The following SMCHD1 variants were observed in gnomAD, a reference collection of about 807,000 sequenced individuals.
SMCHD1 encodes structural maintenance of chromosomes flexible hinge domain-containing protein 1.
In SMCHD1, 78 loss-of-function variants were observed where a neutral mutation model predicts 254.7. The observed-to-expected ratio is 0.31, with a 90% CI of 0.26 to 0.37. The LOEUF (loss-of-function observed/expected upper bound fraction) is 0.37, where lower values mean the gene tolerates loss of function less well. Ranked by LOEUF, SMCHD1 falls within the 10% of genes least tolerant of loss-of-function variation. The pLI is 1.00. For synonymous variants in SMCHD1, 766 were observed against 794.9 expected, an observed-to-expected ratio of 0.96 and a Z score of 0.61; for missense variants, 1,840 against 2,408.1, an observed-to-expected ratio of 0.76 and a Z score of 4.94.
Position 2,697,137 on chromosome 18 carries a change from C to T in SMCHD1, c.1131+15C>T. 1 of 1,235,192 alleles carries T rather than the reference C, an allele frequency of 8.1e-7. No homozygotes were observed. The allele number at this position is 1,235,192 out of a possible 1,614,324, so 76.5% of individuals were successfully genotyped here. A position where few individuals can be genotyped will look rare whatever the true frequency, so the allele number is the denominator to read the frequency against. The stretch of plus-strand genomic sequence containing the variant: ...TTGATATTGAAGTAAGAGAAAAATC[C>T]ATCTTAAAATAATAAAAATTATGAG... On this transcript the variant is annotated intron_variant, in intron 9 of 47. Coordinates refer to ENST00000320876, the MANE Select transcript of SMCHD1 (RefSeq NM_015295.3).
intron 13 of SMCHD1, 115 bp downstream of exon 13, chr18:2,704,001 T>G (rs929104918): frequency 1.3e-6 from 1 of 755,446 alleles, no homozygotes; most frequent in African/African-American, 1.8e-5. Context: ...TTTTTTCCCA[T>G]TCTCACATTT....
At chr18:2,779,250 G>T (rs1053619809) in intron 44 of SMCHD1, among the ~76,000 whole-genome samples, 1 of 152,132 alleles carries the variant, frequency 6.6e-6, no homozygotes, top group Non-Finnish European at 1.5e-5. Flanking sequence ...AGTTGAACTG[G>T]GGTGGTGGCA....
chr18:2,700,957 T>A, intron 12 of SMCHD1, 39 bp downstream of exon 12: 1 of 1,415,520 alleles, frequency 7.1e-7, no homozygotes, highest in Non-Finnish European at 9.5e-7. Context: ...TATTTGCAAA[T>A]GTTTTATTTT....
At chr18:2,729,232 ATATT>A in intron 23 of SMCHD1, 39 bp from the exon 24 acceptor site, 1 of 1,358,332 alleles carries the variant, frequency 7.4e-7, no homozygotes, top group Non-Finnish European at 9.6e-7. Context: ...AGAATCAAAT[ATATT>A]TAATAGGGGT....
intron 29 of SMCHD1, among the ~76,000 whole-genome samples, chr18:2,746,806 G>T (rs1394597282): frequency 2.0e-5 from 3 of 152,150 alleles, no homozygotes; most frequent in African/African-American, 7.2e-5. Flanking sequence ...TGGCCCAGGG[G>T]ATTGGGCTTT....
In SMCHD1 at chr18:2,743,768, C is replaced by A; in HGVS notation, c.3641C>A (p.Thr1214Lys). The A allele has an allele frequency of 6.3e-7, 1 of 1,597,858 alleles. No homozygotes were observed. The highest frequency in any genetic ancestry group is 1.7e-5 in the Admixed American group (1 of 57,496). ...TGTACTTTTCCTCACTAGGAAAACA[C>A]ACAGAGTATAAGTGTAAGAGGCATC... ...SNLKTTFQEN[T>K]QSISVRGIKF... Residue 1214 changes from threonine to lysine, a missense_variant, in exon 29 of 48, where the codon ACA becomes AAA. Thr to Lys is a moderately conservative substitution (Grantham distance 78, BLOSUM62 -1). Transcript: ENST00000320876.
chr18:2,774,320 A>G lies in SMCHD1; in HGVS notation c.5176-1414A>G, dbSNP rs1391696603. On this transcript the variant is annotated intron_variant, in intron 41 of 47. Coordinates refer to ENST00000320876, the MANE Select transcript of SMCHD1 (RefSeq NM_015295.3). ...GAACATTGTTTTCATTTTCGTTTACATGTACTAGTTTTTTTGCATGTTCAT... is the reference window on the plus strand; with the variant it reads ...GAACATTGTTTTCATTTTCGTTTACGTGTACTAGTTTTTTTGCATGTTCAT... Among the ~76,000 whole-genome samples the G allele has an allele frequency of 2.6e-5, 4 of 152,094 alleles. No individual in the cohort carries two copies. In the East Asian group the frequency reaches 7.7e-4, roughly 29 times the overall value.
chr18:2,692,027 T>G (rs2074190876), intron 7 of SMCHD1: 1 of 152,298 alleles, frequency 6.6e-6, no homozygotes, highest in South Asian at 2.1e-4. Flanking sequence ...GCTTCATTTT[T>G]GGCATCCACA....
At position 2,688,410 on chromosome 18, in the gene SMCHD1, G is replaced by A. The variant is rs765125820; in HGVS notation, c.655G>A (p.Val219Ile). Reference sequence around the variant, plus strand: ...TTATTTTAGTGATCATTCAGGATATGTTCGTCCAGTACCAGTGCCACGCAG... The same window carrying A: ...TTATTTTAGTGATCATTCAGGATATATTCGTCCAGTACCAGTGCCACGCAG... ...GDFESDHSGY[V>I]RPVPVPRSLN... is the part of the protein sequence containing the mutation. The change falls in exon 6 of 48, where the codon GTT becomes ATT. Residue 219 changes from valine to isoleucine, a missense_variant. Val to Ile is a conservative substitution (Grantham distance 29). Coordinates refer to ENST00000320876, the MANE Select transcript of SMCHD1 (RefSeq NM_015295.3). 1 of 1,612,482 alleles carries A rather than the reference G, an allele frequency of 6.2e-7. No homozygotes were observed. The highest frequency in any genetic ancestry group is 8.5e-7 in the Non-Finnish European group (1 of 1,178,674).
intron 1 of SMCHD1, among the ~76,000 whole-genome samples, chr18:2,662,779 C>T (rs2073330317): frequency 6.7e-6 from 1 of 150,250 alleles, no homozygotes; most frequent in African/African-American, 2.5e-5. Context: ...TCTATAAGGT[C>T]ATTTTTGTCT....
In SMCHD1 at chr18:2,722,555, A is replaced by G; in HGVS notation, c.2495A>G (p.Asp832Gly). The G allele has an allele frequency of 6.2e-7, 1 of 1,613,308 alleles. No individual in the cohort carries two copies. Among genetic ancestry groups the G allele is most frequent in the Non-Finnish European group, 8.5e-7 (1 of 1,179,640 alleles). Residue 832 changes from aspartate (D) to glycine (G), a missense_variant, in exon 20 of 48, where the codon GAT becomes GGT. Asp to Gly is a moderately conservative substitution (Grantham distance 94, BLOSUM62 -1). Coordinates refer to ENST00000320876, the MANE Select transcript of SMCHD1 (RefSeq NM_015295.3). ...KPEKFSFGLL[D>G]LPFRVGVPFN... ...GAGAAATTTTCATTTGGTCTTCTGG[A>G]TCTTCCTTTTCGTGTTGGAGTTCCA...
intron 28 of SMCHD1, 134 bp from the exon 29 acceptor site, chr18:2,743,627 G>A (rs1253974950): frequency 1.2e-5 from 6 of 506,284 alleles, no homozygotes; most frequent in African/African-American, 1.9e-5. Context: ...TATTGCATGG[G>A]TGCTATTTAT....
intron 45 of SMCHD1, among the ~76,000 whole-genome samples, chr18:2,791,143 C>A (rs532014012): frequency 6.6e-6 from 1 of 152,132 alleles, no homozygotes; most frequent in African/African-American, 2.4e-5. Context: ...AAGTCATATA[C>A]AAGAACAACA....
intron 31 of SMCHD1, 85 bp downstream of exon 31, chr18:2,750,207 CTT>C: frequency 7.0e-7 from 1 of 1,423,486 alleles, no homozygotes; most frequent in Non-Finnish European, 9.6e-7. Flanking sequence ...AATGACTATC[CTT>C]CTGTTTAATG....
chr18:2,739,821 A>AT (rs1259873911), intron 27 of SMCHD1, among the ~76,000 whole-genome samples: 2 of 152,256 alleles, frequency 1.3e-5, no homozygotes, highest in South Asian at 2.1e-4. Flanking sequence ...CATGGTACAC[A>AT]TGCCTGTAGT....
At chr18:2,685,101 T>TTTA (rs2074016064) in intron 5 of SMCHD1, among the ~76,000 whole-genome samples, 1 of 129,242 alleles carries the variant, frequency 7.7e-6, no homozygotes, top group Non-Finnish European at 1.7e-5. Flanking sequence ...CTTATTTTTT[T>TTTA]CTTTTTTTTT....
intron 45 of SMCHD1, 93 bp downstream of exon 45, chr18:2,784,714 T>TTAACAAATGTAAGTAAG: frequency 7.5e-7 from 1 of 1,328,344 alleles, no homozygotes; most frequent in Non-Finnish European, 1.0e-6. Flanking sequence ...ACATGAAAAA[T>TTAACAAATGTAAGTAAG]TAACAAATGT....
intron 43 of SMCHD1, 69 bp from the exon 44 acceptor site, chr18:2,778,100 G>A: frequency 8.2e-7 from 1 of 1,216,656 alleles, no homozygotes; most frequent in Non-Finnish European, 1.2e-6. Context: ...GACTTGCAAT[G>A]TGCATTATAT....
rs767154782 is a variant in SMCHD1, at chr18:2,694,672, A to C, written c.1019A>C (p.His340Pro). Residue 340 changes from histidine (H) to proline (P), a missense_variant, in exon 8 of 48, where the codon CAC becomes CCC. His to Pro is a moderately conservative substitution (Grantham distance 77, BLOSUM62 -2). Transcript: ENST00000320876. ...ATACAGTACTTGAAAAATTATTTCC[A>C]CCTTTGGACACGACAGTTAGCGTAA... ...EHIQYLKNYF[H>P]LWTRQLAHIY... 2 of 1,611,526 alleles carry C rather than the reference A, an allele frequency of 1.2e-6. No individual in the cohort carries two copies. Among genetic ancestry groups the C allele is most frequent in the Admixed American group, 3.4e-5 (2 of 59,164 alleles).
Sources: gnomAD v4.1 joint callset for allele counts (sites outside exome capture counted in the v4.1 genomes callset) on GRCh38, gnomAD v4.1.1 for gene constraint, MANE v1.5 for transcripts, NCBI Gene and HGNC (gene_info 2026-07-23, HGNC 2026-07-21) for gene names.